Variants in F5 observed in about 807,000 individuals in gnomAD.
F5 encodes coagulation factor V.
F5 carries 138 observed loss-of-function variants against 216.4 expected under a neutral mutation model. The observed-to-expected ratio is 0.64, with a 90% confidence interval of 0.56 to 0.73. The LOEUF (loss-of-function observed/expected upper bound fraction) is 0.73, where lower values mean the gene tolerates loss of function less well. Among genes scored for constraint, F5 ranks in the 30% least tolerant of loss-of-function variants. F5 has a pLI of 0.00. For missense variants in F5, 2,403 were observed against 2,674.0 expected (o/e 0.90, Z 2.24); for synonymous variants, 916 against 930.7 (o/e 0.98, Z 0.29).
chr1:169,552,914 T>A (rs1309374968), intron 7 of F5, among the ~76,000 whole-genome samples, 180 bp from the exon 8 acceptor site: 1 of 152,230 alleles, frequency 6.6e-6, no homozygotes. Context: ...AACTGGAAAC[T>A]TCTGATTTGT....
chr1:169,557,238 G>GT (rs1419138111), intron 5 of F5, among the ~76,000 whole-genome samples: 7 of 152,214 alleles, frequency 4.6e-5, no homozygotes, highest in African/African-American at 1.4e-4. Flanking sequence ...ATTAGAACTG[G>GT]TAAAAAGTCC....
At chr1:169,536,734 AT>A in intron 13 of F5, 54 bp from the exon 14 acceptor site, 2 of 1,437,078 alleles carry the variant, frequency 1.4e-6, no homozygotes, top group South Asian at 2.3e-5. Context: ...TGTTCCCAGA[AT>A]TTAGGAAATT....
At chr1:169,567,355 C>T (rs1660627363) in intron 3 of F5, among the ~76,000 whole-genome samples, 1 of 150,992 alleles carries the variant, frequency 6.6e-6, no homozygotes, top group Non-Finnish European at 1.5e-5. Flanking sequence ...GCACAATGTG[C>T]ACATGTACCC....
intron 6 of F5, among the ~76,000 whole-genome samples, chr1:169,556,337 G>A (rs1161052573): frequency 7.0e-6 from 1 of 143,580 alleles, no homozygotes; most frequent in Non-Finnish European, 1.5e-5. Context: ...GAAGTAACCC[G>A]AAGAAAGAAT....
At chr1:169,562,705 C>T (rs1439241724) in intron 3 of F5, among the ~76,000 whole-genome samples, 4 of 151,996 alleles carry the variant, frequency 2.6e-5, no homozygotes, top group African/African-American at 9.7e-5. Flanking sequence ...TAATATTATA[C>T]TATTTCACTT....
intron 12 of F5, among the ~76,000 whole-genome samples, chr1:169,543,407 A>G (rs1302959096): frequency 6.6e-6 from 1 of 152,128 alleles, no homozygotes; most frequent in Non-Finnish European, 1.5e-5. Context: ...AATAAAAAAC[A>G]AAAGTGTTGC....
chr1:169,523,682 C>T lies in F5; in HGVS notation c.5892+119G>A, dbSNP rs75029906. The T allele has an allele frequency of 3.1e-4, 300 of 952,974 alleles. 3 individuals carry two copies. The African/African-American group carries it at 4.1e-3, about 13-fold the overall frequency. 59.0% of individuals were successfully genotyped at this position (952,974 alleles called of 1,614,324 possible). A position where few individuals can be genotyped will look rare whatever the true frequency, so the allele number is the denominator to read the frequency against. ...ATAAAGTACTTAGAACAGTGCCTCA[C>T]ACTTAGTACTTGCTATTTCCCCTAA... On this transcript the variant is annotated intron_variant, in intron 20 of 24. Coordinates refer to ENST00000367797, the MANE Select transcript of F5 (RefSeq NM_000130.5).
chr1:169,573,982 A>G (rs1019349278), intron 2 of F5, among the ~76,000 whole-genome samples: 2 of 152,210 alleles, frequency 1.3e-5, no homozygotes, highest in African/African-American at 4.8e-5. Context: ...TATTCAAAAA[A>G]CAACAATAAA....
At chr1:169,576,422 GGT>G (rs1348209245) in intron 2 of F5, among the ~76,000 whole-genome samples, 2 of 152,098 alleles carry the variant, frequency 1.3e-5, no homozygotes, top group Non-Finnish European at 2.9e-5. Flanking sequence ...GGACTGTGGA[GGT>G]CACAAAGTTC....
intron 10 of F5, among the ~76,000 whole-genome samples, chr1:169,548,999 T>G (rs1660091750): frequency 6.6e-6 from 1 of 152,142 alleles, no homozygotes; most frequent in Non-Finnish European, 1.5e-5. Flanking sequence ...TCTGAATAAG[T>G]GCAAAGGATG....
At chr1:169,566,264 G>A (rs1010953715) in intron 3 of F5, among the ~76,000 whole-genome samples, 2 of 152,094 alleles carry the variant, frequency 1.3e-5, no homozygotes, top group Non-Finnish European at 2.9e-5. Context: ...TGTTTCAACT[G>A]TTAAAACATC....
chr1:169,552,916 C>G (rs1660206739), intron 7 of F5, among the ~76,000 whole-genome samples, 182 bp from the exon 8 acceptor site: 1 of 152,186 alleles, frequency 6.6e-6, no homozygotes, highest in Non-Finnish European at 1.5e-5. Flanking sequence ...CTGGAAACTT[C>G]TGATTTGTCT....
intron 21 of F5, 70 bp from the exon 22 acceptor site, chr1:169,520,734 T>A: frequency 7.6e-7 from 1 of 1,310,680 alleles, no homozygotes. Flanking sequence ...AAAATTTTGA[T>A]CTAATTTAAT....
At position 169,555,261 on chromosome 1, in the gene F5, T is replaced by A; in HGVS notation, c.1039A>T (p.Met347Leu). The change falls in exon 7 of 25, where the codon ATG (methionine) becomes TTG (leucine). Residue 347 changes from methionine to leucine, a missense_variant. By Grantham distance (15) the Met-to-Leu change is conservative. Around this residue, in one of 4 missense-constraint regions of F5, gnomAD observed 1,425 missense variants for 1,554.8 expected, o/e 0.92. Coordinates refer to ENST00000367797, the MANE Select transcript of F5 (RefSeq NM_000130.5). ...KKITREQRRH[M>L]KRWEYFIAAE... ...GCAATGAAGTATTCCCACCTCTTCATGTGCCGCCTCTGCTCACGAGTTATT... is the reference window on the plus strand; with the variant it reads ...GCAATGAAGTATTCCCACCTCTTCAAGTGCCGCCTCTGCTCACGAGTTATT... 6.2e-7 allele frequency: 1 copy of A among 1,614,150 alleles called. No individual in the cohort carries two copies. Among genetic ancestry groups the A allele is most frequent in the Non-Finnish European group, 8.5e-7 (1 of 1,180,016 alleles).
rs930607647 is a variant in F5 at position 169,550,622 on chromosome 1, G to C, written c.1396+18C>G. The C allele has an allele frequency of 1.3e-6, 2 of 1,587,724 alleles. No individual in the cohort carries two copies. Among genetic ancestry groups the C allele is most frequent in the African/African-American group, 1.3e-5 (1 of 74,470 alleles). The stretch of plus-strand genomic sequence containing the variant: ...CAGAAGTTACTAGTTGGATTCAGTA[G>C]AAGTGAAAGATTCAAACCTGAGGTG... On this transcript the variant is annotated intron_variant, in intron 9 of 24. Coordinates refer to ENST00000367797, the MANE Select transcript of F5 (RefSeq NM_000130.5).
At chr1:169,529,972 T>C (rs780437000) in intron 15 of F5, among the ~76,000 whole-genome samples, 154 bp from the exon 16 acceptor site, 2 of 152,200 alleles carry the variant, frequency 1.3e-5, no homozygotes, top group African/African-American at 2.4e-5. Flanking sequence ...TGGATATTTA[T>C]CACCTAATTC....
intron 12 of F5, among the ~76,000 whole-genome samples, chr1:169,543,972 AG>A: frequency 6.6e-6 from 1 of 152,350 alleles, no homozygotes; most frequent in East Asian, 1.9e-4. Flanking sequence ...AAAACCGAAT[AG>A]GGCATTTTGA....
intron 3 of F5, among the ~76,000 whole-genome samples, chr1:169,563,052 C>T (rs940468817): frequency 1.1e-4 from 16 of 151,890 alleles, no homozygotes; most frequent in Non-Finnish European, 2.1e-4. Context: ...CTTTATTTTG[C>T]CTTCATTTAA....
chr1:169,555,149 C>A, intron 7 of F5, 33 bp downstream of exon 7: 2 of 1,613,546 alleles, frequency 1.2e-6, no homozygotes, highest in East Asian at 2.2e-5. Context: ...TGTCTTGAAC[C>A]TTTGCCCAGT....
Sources: allele counts gnomAD v4.1 joint callset (sites outside exome capture counted in the v4.1 genomes callset), GRCh38; gene constraint gnomAD v4.1.1; regional missense constraint gnomAD v4.1.1; transcripts MANE v1.5; gene names NCBI Gene and HGNC (gene_info 2026-07-23, HGNC 2026-07-21).